Variants in THUMPD2 observed in about 807,000 individuals in gnomAD.
The protein encoded by THUMPD2 is U6 snRNA (guanine-N(2))-methyltransferase THUMPD2.
Under a neutral mutation model 49.4 loss-of-function variants are expected in THUMPD2, and 56 were observed. That is an observed-to-expected ratio of 1.13 (90% CI 0.91 to 1.41). THUMPD2 has a LOEUF of 1.41. Ranked by LOEUF, THUMPD2 falls within the 40% of genes most tolerant of loss-of-function variation. THUMPD2 has a pLI of 0.00. For synonymous variants in THUMPD2, 237 were observed against 205.2 expected, an observed-to-expected ratio of 1.15 and a Z score of -1.32; for missense variants, 709 against 594.5, an observed-to-expected ratio of 1.19 and a Z score of -2.00.
chr2:39,776,394 ATTTTT>A (rs34586675), intron 1 of THUMPD2, among the ~76,000 whole-genome samples: 1 of 135,672 alleles, frequency 7.4e-6, no homozygotes. Flanking sequence ...TCAGTATACT[ATTTTT>A]TTTTTTTTTT....
At chr2:39,761,467 G>T (rs184163745) in intron 5 of THUMPD2, 49 bp from the exon 6 acceptor site, 1 of 1,533,158 alleles carries the variant, frequency 6.5e-7, no homozygotes, top group Non-Finnish European at 9.0e-7. Flanking sequence ...TGAACAACAA[G>T]ATATAAAAAT....
intron 9 of THUMPD2, among the ~76,000 whole-genome samples, chr2:39,743,108 T>C (rs1159907309): frequency 6.6e-6 from 1 of 152,200 alleles, no homozygotes; most frequent in Non-Finnish European, 1.5e-5. Context: ...CAAGATTTAA[T>C]TTTCCTTATA....
intron 1 of THUMPD2, 99 bp from the exon 2 acceptor site, chr2:39,771,739 C>G: frequency 1.6e-6 from 2 of 1,262,206 alleles, no homozygotes; most frequent in South Asian, 1.4e-5. Context: ...ATAAAAATAA[C>G]CATTTCTGAA....
intron 8 of THUMPD2, among the ~76,000 whole-genome samples, chr2:39,753,214 C>G (rs147734326): frequency 1.1e-4 from 16 of 152,294 alleles, no homozygotes; most frequent in African/African-American, 3.1e-4. Flanking sequence ...TAGTTGTTTT[C>G]AAGTTACCTC....
chr2:39,753,062 A>T (rs1675625949), intron 8 of THUMPD2, among the ~76,000 whole-genome samples: 1 of 152,128 alleles, frequency 6.6e-6, no homozygotes, highest in Admixed American at 6.5e-5. Context: ...CTTTAGTGAG[A>T]TCAAACATTC....
At chr2:39,755,153 T>C in intron 8 of THUMPD2, 142 bp downstream of exon 8, 1 of 485,436 alleles carries the variant, frequency 2.1e-6, no homozygotes, top group Non-Finnish European at 3.6e-6. Flanking sequence ...GTTAGACTAT[T>C]AGAAGTAAAC....
intron 1 of THUMPD2, among the ~76,000 whole-genome samples, chr2:39,775,074 G>GT (rs1201965146): frequency 6.6e-6 from 1 of 152,146 alleles, no homozygotes; most frequent in East Asian, 1.9e-4. Context: ...GAGCCCAGGA[G>GT]TTTGAGATCA....
At chr2:39,765,643 T>C (rs544917012) in intron 5 of THUMPD2, among the ~76,000 whole-genome samples, 1 of 152,284 alleles carries the variant, frequency 6.6e-6, no homozygotes, top group African/African-American at 2.4e-5. Context: ...AATATGTCCA[T>C]CTTTTCGTTT....
In THUMPD2 at chr2:39,779,106, C is replaced by A; in HGVS notation, c.126+8G>T. On this transcript the variant is annotated splice_region_variant and intron_variant, in intron 1 of 9. Transcript: ENST00000505747. ...CACCTCCCCAGGCGCGCAGCGAGGC[C>A]AACTCACCTGCGTGGCCGCCAGCCG... 1.3e-6 allele frequency: 2 copies of A among 1,505,464 alleles called. No individual in the cohort carries two copies. The highest frequency in any genetic ancestry group is 1.2e-5 in the South Asian group (1 of 80,526). 93.3% of individuals were successfully genotyped at this position (1,505,464 alleles called of 1,614,324 possible).
chr2:39,760,514 T>C (rs1401358834), intron 6 of THUMPD2, among the ~76,000 whole-genome samples: 9 of 152,224 alleles, frequency 5.9e-5, no homozygotes, highest in African/African-American at 1.9e-4. Flanking sequence ...TGAGAAGTTA[T>C]GAACAGAATA....
At chr2:39,746,794 C>CT (rs901131932) in intron 8 of THUMPD2, among the ~76,000 whole-genome samples, 1 of 152,134 alleles carries the variant, frequency 6.6e-6, no homozygotes, top group African/African-American at 2.4e-5. Context: ...TTCAAGATGT[C>CT]TTTTCATGCA....
intron 1 of THUMPD2, among the ~76,000 whole-genome samples, chr2:39,772,854 G>C (rs547660947): frequency 3.9e-5 from 6 of 152,296 alleles, no homozygotes; most frequent in Admixed American, 1.3e-4. Flanking sequence ...GTTTATGCTT[G>C]TTTTGGATCT....
chr2:39,753,958 GCA>G (rs1021307467), intron 8 of THUMPD2, among the ~76,000 whole-genome samples: 1 of 152,086 alleles, frequency 6.6e-6, no homozygotes, highest in African/African-American at 2.4e-5. Context: ...CCTTTAAAAA[GCA>G]CACACACACA....
intron 9 of THUMPD2, among the ~76,000 whole-genome samples, chr2:39,738,196 G>A (rs1673387681): frequency 6.6e-6 from 1 of 152,156 alleles, no homozygotes; most frequent in African/African-American, 2.4e-5. Flanking sequence ...CATCCTCAGA[G>A]AAAATCTGGA....
At chr2:39,760,562 C>G (rs192122708) in intron 6 of THUMPD2, among the ~76,000 whole-genome samples, 119 of 152,146 alleles carry the variant, frequency 7.8e-4, no homozygotes, top group Non-Finnish European at 1.2e-3. Flanking sequence ...TCTGTCACAA[C>G]ATTTACTGAA....
rs1452725640 is a variant in THUMPD2 at position 39,755,279 on chromosome 2, AT to A, written c.1078+15del. 6.9e-7 allele frequency: 1 copy of A among 1,442,030 alleles called. No homozygotes were observed. The highest frequency in any genetic ancestry group is 1.5e-5 in the African/African-American group (1 of 66,854). 89.3% of individuals were successfully genotyped at this position (1,442,030 alleles called of 1,614,324 possible). On this transcript the variant is annotated intron_variant, in intron 8 of 9. Coordinates refer to ENST00000505747, the MANE Select transcript of THUMPD2 (RefSeq NM_025264.5). ...TTGTTCCTTTTCTCAATTGTTTTGCATTTTTAGTATCTTACCTATAACAGAG... is the reference window on the plus strand; with the variant it reads ...TTGTTCCTTTTCTCAATTGTTTTGCATTTTAGTATCTTACCTATAACAGAG...
rs1240937495 is a variant in THUMPD2 at position 39,737,113 on chromosome 2, C to T, written c.1188-54G>A. 6.9e-6 allele frequency: 10 copies of T among 1,456,490 alleles called. No individual in the cohort carries two copies. In the East Asian group the frequency reaches 1.6e-4, roughly 24 times the overall value. The allele number at this position is 1,456,490 out of a possible 1,614,324, so 90.2% of individuals were successfully genotyped here. ...ATCTTTCTCCTTTCTAGACAACAAA[C>T]AATCCCACTTCATTTAAAATGGTTC... On this transcript the variant is annotated intron_variant, in intron 9 of 9. Coordinates refer to ENST00000505747, the MANE Select transcript of THUMPD2 (RefSeq NM_025264.5).
intron 1 of THUMPD2, among the ~76,000 whole-genome samples, chr2:39,773,558 AATATATATATATTTATATTTTAAAAATAT>A (rs1678629320): frequency 9.9e-5 from 4 of 40,264 alleles, no homozygotes; most frequent in African/African-American, 3.7e-4. Context: ...TATATTTAAA[AATATATATATATTTATATTTTAAAAATAT>A]ATATATATTT....
At chr2:39,769,471 G>T (rs112100715) in intron 3 of THUMPD2, 1 of 376,106 alleles carries the variant, frequency 2.7e-6, no homozygotes. Context: ...GGAGGCCGAG[G>T]TGGTTGGATC....
Sources: allele counts gnomAD v4.1 joint callset (sites outside exome capture counted in the v4.1 genomes callset), GRCh38; gene constraint gnomAD v4.1.1; transcripts MANE v1.5; gene names NCBI Gene and HGNC (gene_info 2026-07-23, HGNC 2026-07-21).